Variants in RAB33A observed in about 807,000 individuals in gnomAD.
RAB33A encodes ras-related protein Rab-33A.
A neutral mutation model predicts 12.0 loss-of-function variants in RAB33A; 6 were observed. The observed-to-expected ratio is 0.50, with a 90% CI of 0.27 to 0.99. The LOEUF (loss-of-function observed/expected upper bound fraction) is 0.99. RAB33A is among the 50% of genes least tolerant of loss of function. RAB33A has a pLI of 0.11. For synonymous variants in RAB33A, 70 were observed against 82.4 expected (o/e 0.85, Z 0.81); for missense variants, 109 against 192.0 (o/e 0.57, Z 2.55).
the RAB33A span, chrX:130,165,658 T>C: frequency 8.4e-7 from 1 of 1,188,388 alleles, no homozygotes; most frequent in South Asian, 1.8e-5. Flanking sequence ...CCGGAACATT[T>C]CGGCGACCGC....
the RAB33A span, chrX:130,133,202 C>A: frequency 3.0e-5 from 31 of 1,025,172 alleles, no homozygotes; most frequent in Non-Finnish European, 4.1e-5. Context: ...ACTTTTTTCC[C>A]TTCTGTATGA....
intron 1 of RAB33A, among the ~76,000 whole-genome samples, chrX:130,172,785 T>TGATGGAAATCCATGGAG (rs1276160622): frequency 9.0e-6 from 1 of 111,669 alleles, no homozygotes; most frequent in African/African-American, 3.3e-5. Context: ...GGGAAGGAAA[T>TGATGGAAATCCATGGAG]GATGGAAATC....
the RAB33A span, among the ~76,000 whole-genome samples, chrX:130,127,940 T>G: frequency 3.6e-5 from 4 of 111,421 alleles, no homozygotes; most frequent in African/African-American, 1.3e-4. Context: ...TCTACCTGCC[T>G]TGGCCTCCCC....
At chrX:130,162,224 G>A in the RAB33A span, among the ~76,000 whole-genome samples, 3 of 111,990 alleles carry the variant, frequency 2.7e-5, no homozygotes, top group Non-Finnish European at 3.8e-5. Flanking sequence ...ATGAGAAAAT[G>A]AGCTTGATAC....
At chrX:130,174,025 G>A (rs1309231113) in intron 1 of RAB33A, among the ~76,000 whole-genome samples, 1 of 112,048 alleles carries the variant, frequency 8.9e-6, no homozygotes, top group Non-Finnish European at 1.9e-5. Context: ...AAAGAAGGAG[G>A]GAGGAAGAAG....
chrX:130,154,750 C>T, the RAB33A span, among the ~76,000 whole-genome samples: 4 of 112,478 alleles, frequency 3.6e-5, no homozygotes, highest in Non-Finnish European at 7.5e-5. Context: ...ACAAACATTA[C>T]ATTTTACCTA....
At chrX:130,144,863 T>G in the RAB33A span, among the ~76,000 whole-genome samples, 1 of 112,477 alleles carries the variant, frequency 8.9e-6, no homozygotes, top group Admixed American at 9.4e-5. Context: ...TAATGTCCCC[T>G]TACAGGAGAA....
At chrX:130,124,734 C>T in the RAB33A span, among the ~76,000 whole-genome samples, 1 of 112,551 alleles carries the variant, frequency 8.9e-6, no homozygotes, top group Non-Finnish European at 1.9e-5. Flanking sequence ...GGGAACTATG[C>T]CATGCTTCAG....
chrX:130,169,133 G>C (rs770185247), upstream of RAB33A, among the ~76,000 whole-genome samples: 8 of 108,105 alleles, frequency 7.4e-5, no homozygotes, highest in African/African-American at 1.0e-4. Context: ...GCGTGAACCT[G>C]GGAGGCGGAG....
At chrX:130,155,355 T>C in the RAB33A span, 3 of 1,153,028 alleles carry the variant, frequency 2.6e-6, no homozygotes, top group Non-Finnish European at 3.5e-6. Context: ...TGAAGAAACA[T>C]TCAATACAAA....
the RAB33A span, among the ~76,000 whole-genome samples, chrX:130,132,658 C>T: frequency 1.8e-5 from 2 of 112,764 alleles, no homozygotes; most frequent in African/African-American, 6.4e-5. Flanking sequence ...CGGCCTTGGC[C>T]TCCCAAAGTG....
At chrX:130,159,617 G>C in the RAB33A span, among the ~76,000 whole-genome samples, 14 of 109,991 alleles carry the variant, frequency 1.3e-4, no homozygotes, top group African/African-American at 4.6e-4. Flanking sequence ...TTTTGTTTTT[G>C]TTTTTCTTTT....
chrX:130,135,184 G>A, the RAB33A span, among the ~76,000 whole-genome samples: 1 of 108,534 alleles, frequency 9.2e-6, no homozygotes, highest in East Asian at 2.9e-4. Flanking sequence ...CTTAGTTCAA[G>A]TGATTCTCCT....
At position 130,180,838 on chromosome X, in the gene RAB33A, T is replaced by C. The variant is rs1378064085; in HGVS notation, c.259-3447T>C. On this transcript the variant is annotated intron_variant, in intron 1 of 1. Coordinates refer to ENST00000257017, the MANE Select transcript of RAB33A (RefSeq NM_004794.3). ...GCCTGGCCAACACGGCAAAACCCCATCTCTACTAAAAATACAAAAATTAGC... is the reference window on the plus strand; with the variant it reads ...GCCTGGCCAACACGGCAAAACCCCACCTCTACTAAAAATACAAAAATTAGC... Among the ~76,000 whole-genome samples the C allele has an allele frequency of 1.1e-4, 11 of 103,511 alleles. No individual in the cohort carries two copies. In the Admixed American group the frequency reaches 1.2e-3, roughly 11 times the overall value. The allele number at this position is 103,511 out of a possible 115,157, so 89.9% of individuals were successfully genotyped here. A position where few individuals can be genotyped will look rare whatever the true frequency, so the allele number is the denominator to read the frequency against.
At chrX:130,148,849 A>G in the RAB33A span, among the ~76,000 whole-genome samples, 1 of 106,798 alleles carries the variant, frequency 9.4e-6, no homozygotes, top group South Asian at 4.0e-4. Context: ...AAAAAAAAAA[A>G]AAAAAAAAAA....
rs756774132 is a variant in RAB33A at position 130,184,630 on chromosome X, T to C, written c.604T>C (p.Leu202=). The change falls in exon 2 of 2, where the codon TTG becomes CTG. Residue 202 remains leucine, a synonymous_variant. Coordinates refer to ENST00000257017, the MANE Select transcript of RAB33A (RefSeq NM_004794.3). ...ESIFMCLACR[L]KAQKSLLYRD... Reference sequence around the variant, plus strand: ...GATTTTCATGTGCTTGGCTTGCCGATTGAAGGCCCAGAAATCCCTGCTGTA... The same window carrying C: ...GATTTTCATGTGCTTGGCTTGCCGACTGAAGGCCCAGAAATCCCTGCTGTA... 10 of 1,211,680 alleles carry C rather than the reference T, an allele frequency of 8.3e-6. No individual in the cohort carries two copies. Among genetic ancestry groups the C allele is most frequent in the Non-Finnish European group, 1.1e-5 (10 of 895,505 alleles).
At chrX:130,132,538 C>T in the RAB33A span, among the ~76,000 whole-genome samples, 5 of 112,074 alleles carry the variant, frequency 4.5e-5, no homozygotes, top group Non-Finnish European at 7.5e-5. Context: ...TCCCCTTAGC[C>T]TCCACTTTTC....
At chrX:130,168,380 A>G (rs1213113234), upstream of RAB33A, among the ~76,000 whole-genome samples, 2 of 108,190 alleles carry the variant, frequency 1.8e-5, no homozygotes, top group Non-Finnish European at 3.8e-5. Context: ...GCGCCCTGCT[A>G]ATTTTTCTAT....
chrX:130,150,545 C>T, the RAB33A span, among the ~76,000 whole-genome samples: 19 of 104,212 alleles, frequency 1.8e-4, no homozygotes, highest in Non-Finnish European at 2.8e-4. Context: ...CCGTTTTAGC[C>T]GGGATGGTCT....
Sources: allele counts gnomAD v4.1 joint callset (sites outside exome capture counted in the v4.1 genomes callset), GRCh38; gene constraint gnomAD v4.1.1; transcripts MANE v1.5; gene names NCBI Gene and HGNC (gene_info 2026-07-23, HGNC 2026-07-21).